SH3RF3: variants seen among roughly 807,000 people sequenced by gnomAD.
The protein encoded by SH3RF3 is SH3 domain containing ring finger 3.
Under a neutral mutation model 66.3 loss-of-function variants are expected in SH3RF3, and 29 were observed. The observed-to-expected ratio is 0.44, with a 90% CI of 0.33 to 0.60. The LOEUF (loss-of-function observed/expected upper bound fraction) is 0.60. SH3RF3 is among the 20% of genes least tolerant of loss of function. The probability of loss-of-function intolerance (pLI) is 0.04; values close to 1 mark genes in which losing one functional copy is unlikely to be tolerated. For synonymous variants in SH3RF3, 583 were observed against 532.0 expected (o/e 1.10, Z -1.32); for missense variants, 1,194 against 1,190.9 (o/e 1.00, Z -0.04).
rs1021759721 is a variant in SH3RF3, at chr2:109,200,255, T to G, written c.573+70142T>G. Among the ~76,000 whole-genome samples the G allele has an allele frequency of 7.9e-5, 12 of 152,234 alleles. No homozygotes were observed. The East Asian group carries it at 2.3e-3, about 29-fold the overall frequency. ...AGGGGCCCTATCCTGCACCTGTAGT[T>G]GGGGCTTTCAGCAAGGTGTTCTCAG... On this transcript the variant is annotated intron_variant, in intron 1 of 9. Coordinates refer to ENST00000309415, the MANE Select transcript of SH3RF3 (RefSeq NM_001099289.3).
intron 1 of SH3RF3, among the ~76,000 whole-genome samples, chr2:109,330,580 G>C (rs1393250555): frequency 6.6e-6 from 1 of 152,174 alleles, no homozygotes; most frequent in Non-Finnish European, 1.5e-5. Context: ...CTGTTTGCAT[G>C]GGTGGATGGA....
intron 1 of SH3RF3, among the ~76,000 whole-genome samples, chr2:109,309,151 G>GT (rs965970313): frequency 7.4e-6 from 1 of 135,602 alleles, no homozygotes; most frequent in Non-Finnish European, 1.5e-5. Flanking sequence ...TCCCTTGTAA[G>GT]TTGGATTCCT....
At chr2:109,417,506 A>T (rs1216210533) in intron 4 of SH3RF3, among the ~76,000 whole-genome samples, 1 of 152,128 alleles carries the variant, frequency 6.6e-6, no homozygotes, top group East Asian at 1.9e-4. Context: ...CTGCTTCCGC[A>T]TGTGGCATGA....
intron 7 of SH3RF3, among the ~76,000 whole-genome samples, chr2:109,439,874 G>T (rs1297182679): frequency 6.6e-6 from 1 of 152,194 alleles, no homozygotes; most frequent in Non-Finnish European, 1.5e-5. Context: ...TTGCTAAAGG[G>T]CTGCAAAAGA....
intron 1 of SH3RF3, among the ~76,000 whole-genome samples, chr2:109,143,389 T>G (rs1470220152): frequency 2.0e-5 from 3 of 152,182 alleles, no homozygotes; most frequent in African/African-American, 4.8e-5. Flanking sequence ...CATTTCAGCA[T>G]TATTCACAGG....
chr2:109,300,718 T>G (rs996419786), intron 1 of SH3RF3, among the ~76,000 whole-genome samples: 1 of 152,190 alleles, frequency 6.6e-6, no homozygotes, highest in African/African-American at 2.4e-5. Context: ...AACATCAGAC[T>G]GAGCACACTC....
intron 1 of SH3RF3, among the ~76,000 whole-genome samples, chr2:109,136,437 G>A (rs1676816477): frequency 6.6e-6 from 1 of 152,212 alleles, no homozygotes; most frequent in Non-Finnish European, 1.5e-5. Flanking sequence ...ATTGGCAACA[G>A]TGAATGGTTT....
intron 8 of SH3RF3, among the ~76,000 whole-genome samples, chr2:109,450,610 T>G (rs373208405): frequency 2.6e-5 from 4 of 152,384 alleles, no homozygotes; most frequent in South Asian, 4.1e-4. Flanking sequence ...CAGAATATTA[T>G]TGTTTCAACA....
intron 7 of SH3RF3, among the ~76,000 whole-genome samples, chr2:109,437,963 A>T (rs964504982): frequency 6.6e-6 from 1 of 152,178 alleles, no homozygotes; most frequent in Admixed American, 6.5e-5. Context: ...GATAACACAG[A>T]ATCTCTCTTC....
intron 4 of SH3RF3, among the ~76,000 whole-genome samples, chr2:109,405,243 C>G (rs999706960): frequency 6.6e-6 from 1 of 152,206 alleles, no homozygotes; most frequent in Non-Finnish European, 1.5e-5. Flanking sequence ...TGACACCCCT[C>G]TTTCCGCAAA....
chr2:109,484,215 T>C (rs1238468808), intron 8 of SH3RF3, among the ~76,000 whole-genome samples: 2 of 152,036 alleles, frequency 1.3e-5, no homozygotes, highest in Non-Finnish European at 2.9e-5. Context: ...TACAGGCGCT[T>C]GCCACCACGC....
chr2:109,363,520 A>T (rs1181518933), intron 2 of SH3RF3, among the ~76,000 whole-genome samples: 1 of 152,208 alleles, frequency 6.6e-6, no homozygotes. Flanking sequence ...TAGCAAAAAT[A>T]AAAGTTTTAA....
At position 109,275,875 on chromosome 2, in the gene SH3RF3, G is replaced by A. The variant is rs569254550; in HGVS notation, c.574-71799G>A. Among the ~76,000 whole-genome samples the A allele has an allele frequency of 3.9e-5, 6 of 152,290 alleles. 1 individual carries two copies. The South Asian group carries it at 1.2e-3, about 32-fold the overall frequency. On this transcript the variant is annotated intron_variant, in intron 1 of 9. Transcript: ENST00000309415. ...CCTTCAAGGTCGGTTGGTTTTTTGA[G>A]TCCACTCTAGGTTTATGGAGAGGAA...
chr2:109,363,949 A>G (rs1230359904), intron 2 of SH3RF3, among the ~76,000 whole-genome samples: 1 of 151,990 alleles, frequency 6.6e-6, no homozygotes, highest in African/African-American at 2.4e-5. Flanking sequence ...TTTTTCTGGC[A>G]TCTATCCTGC....
intron 1 of SH3RF3, among the ~76,000 whole-genome samples, chr2:109,203,963 G>GCT (rs1197609860): frequency 1.3e-5 from 2 of 152,228 alleles, no homozygotes; most frequent in Admixed American, 1.3e-4. Context: ...TCTGCACGGT[G>GCT]CTCCAGTGTG....
chr2:109,456,116 C>T (rs918725581), intron 8 of SH3RF3, among the ~76,000 whole-genome samples: 7 of 152,208 alleles, frequency 4.6e-5, no homozygotes, highest in Non-Finnish European at 7.3e-5. Context: ...TCAGGTCTGC[C>T]GCACAGCAAA....
intron 1 of SH3RF3, among the ~76,000 whole-genome samples, chr2:109,230,538 C>A (rs1483660715): frequency 6.6e-6 from 1 of 152,068 alleles, no homozygotes; most frequent in Non-Finnish European, 1.5e-5. Context: ...TGAGATAGTA[C>A]CACTGCACTC....
intron 2 of SH3RF3, among the ~76,000 whole-genome samples, chr2:109,368,642 C>T (rs1242447792): frequency 7.1e-6 from 1 of 141,238 alleles, no homozygotes; most frequent in Non-Finnish European, 1.5e-5. Flanking sequence ...TCTTATTTTT[C>T]TATTTATTTG....
intron 7 of SH3RF3, among the ~76,000 whole-genome samples, chr2:109,440,721 T>G (rs1172234814): frequency 1.3e-5 from 2 of 151,990 alleles, no homozygotes; most frequent in African/African-American, 4.8e-5. Flanking sequence ...AGATCAGAGT[T>G]TGTGTGACAG....
Sources: allele counts gnomAD v4.1 joint callset (sites outside exome capture counted in the v4.1 genomes callset), GRCh38; gene constraint gnomAD v4.1.1; transcripts MANE v1.5; gene names NCBI Gene and HGNC (gene_info 2026-07-23, HGNC 2026-07-21).